The following ITM2C variants were observed in gnomAD, a reference collection of about 807,000 sequenced individuals.
The protein encoded by ITM2C is BRICHOS domain containing 2C.
ITM2C carries 20 observed loss-of-function variants against 30.0 expected under a neutral mutation model. The observed-to-expected ratio is 0.67, with a 90% confidence interval of 0.47 to 0.97. The LOEUF (loss-of-function observed/expected upper bound fraction) is 0.97, where lower values mean the gene tolerates loss of function less well. ITM2C is among the 50% of genes least tolerant of loss of function. The pLI is 0.00. For synonymous variants in ITM2C, 167 were observed against 156.4 expected (o/e 1.07, Z -0.51); for missense variants, 366 against 371.9 (o/e 0.98, Z 0.13).
rs746646344 is a variant in ITM2C, at chr2:230,873,495, G to C, written c.199G>C (p.Val67Leu). The change falls in exon 2 of 6, where the codon GTG becomes CTG. Residue 67 changes from valine (V) to leucine (L), a missense_variant. Coordinates refer to ENST00000326427, the MANE Select transcript of ITM2C (RefSeq NM_030926.6). ...GVCYLSMGMV[V>L]LLMGLVFASV... is the part of the protein sequence containing the mutation. ...GTGCTACCTGTCGATGGGCATGGTCGTGCTGCTCATGGGCCTCGTGTTCGC... is the reference window on the plus strand; with the variant it reads ...GTGCTACCTGTCGATGGGCATGGTCCTGCTGCTCATGGGCCTCGTGTTCGC... 6.2e-7 allele frequency: 1 copy of C among 1,611,116 alleles called. No individual in the cohort carries two copies. The highest frequency in any genetic ancestry group is 2.2e-5 in the East Asian group (1 of 44,644).
intron 1 of ITM2C, among the ~76,000 whole-genome samples, chr2:230,868,200 C>T (rs1201498255): frequency 6.6e-6 from 1 of 151,762 alleles, no homozygotes; most frequent in Non-Finnish European, 1.5e-5. Flanking sequence ...AAGGAAGTGC[C>T]TCAGTGGGCC....
intron 1 of ITM2C, 57 bp from the exon 2 acceptor site, chr2:230,873,360 G>C: frequency 3.4e-6 from 5 of 1,454,064 alleles, no homozygotes; most frequent in Non-Finnish European, 4.5e-6. Flanking sequence ...CTTAGGGAAG[G>C]GGGGATTTCC....
In ITM2C at chr2:230,865,255, G is replaced by C; in HGVS notation, c.120+110G>C. ...GAGGCGCGTCAGGGCCCCAGAGCCC[G>C]GGGTGGAGCAGGGTTGGGAAGTCTC... is the stretch of plus-strand genomic sequence containing the variant. On this transcript the variant is annotated intron_variant, in intron 1 of 5. Coordinates refer to ENST00000326427, the MANE Select transcript of ITM2C (RefSeq NM_030926.6). This position sits in a 1 kb window ranked among gnomAD's most constrained non-coding sequence, Gnocchi z 6.8. The C allele has an allele frequency of 2.6e-6, 3 of 1,167,092 alleles. No homozygotes were observed. Among genetic ancestry groups the C allele is most frequent in the South Asian group, 2.6e-5 (1 of 38,778 alleles). The allele number at this position is 1,167,092 out of a possible 1,614,324, so 72.3% of individuals were successfully genotyped here.
At position 230,877,097 on chromosome 2, in the gene ITM2C, C is replaced by T. The variant is rs1045058631; in HGVS notation, c.561+130C>T. On this transcript the variant is annotated intron_variant, in intron 4 of 5. Transcript: ENST00000326427. This position sits in a 1 kb window ranked among gnomAD's most constrained non-coding sequence, Gnocchi z 4.8. ...GGGGGAGCAAGAGACATTGCTGGCA[C>T]CTGGGCCCTGTACCCAGATTGGTCT... 2.3e-5 allele frequency: 16 copies of T among 704,088 alleles called. No individual in the cohort carries two copies. Among genetic ancestry groups the T allele is most frequent in the South Asian group, 1.2e-4 (7 of 59,060 alleles). The allele number at this position is 704,088 out of a possible 1,614,324, so 43.6% of individuals were successfully genotyped here. A position where few individuals can be genotyped will look rare whatever the true frequency, so the allele number is the denominator to read the frequency against.
chr2:230,866,941 C>CAG (rs1437569313), intron 1 of ITM2C, among the ~76,000 whole-genome samples: 1 of 152,228 alleles, frequency 6.6e-6, no homozygotes, highest in Non-Finnish European at 1.5e-5. Flanking sequence ...GGCAGTCTGA[C>CAG]AGAGACCTGC....
At position 230,877,772 on chromosome 2, in the gene ITM2C, G is replaced by A. The variant is rs1166213601; in HGVS notation, c.712+222G>A. 6.6e-6 allele frequency among the ~76,000 whole-genome samples: 1 copy of A among 152,222 alleles called. No individual in the cohort carries two copies. Among genetic ancestry groups the A allele is most frequent in the Non-Finnish European group, 1.5e-5 (1 of 68,038 alleles). On this transcript the variant is annotated intron_variant, in intron 5 of 5. Coordinates refer to ENST00000326427, the MANE Select transcript of ITM2C (RefSeq NM_030926.6). This position sits in a 1 kb window ranked among gnomAD's most constrained non-coding sequence, Gnocchi z 4.8. ...TATTATTTTTGCTGCCCATTTTAAA[G>A]ATGAGGAAACAGGTGCAGAGAGGTT...
intron 2 of ITM2C, among the ~76,000 whole-genome samples, chr2:230,874,049 C>A (rs1312186272): frequency 6.6e-6 from 1 of 152,234 alleles, no homozygotes. Flanking sequence ...TATCATCCCC[C>A]TCCCCGGGGG....
Position 230,878,368 on chromosome 2 carries a change from C to A in ITM2C, c.*269C>A. ...TGTGTCCCACTGTCTTGAAGCTGGGCCTGCCAAAGCCTGGGCCCACAGCTG... is the reference window on the plus strand; with the variant it reads ...TGTGTCCCACTGTCTTGAAGCTGGGACTGCCAAAGCCTGGGCCCACAGCTG... On this transcript the variant is annotated 3_prime_UTR_variant, in exon 6 of 6. Coordinates refer to ENST00000326427, the MANE Select transcript of ITM2C (RefSeq NM_030926.6). This position sits in a 1 kb window ranked among gnomAD's most constrained non-coding sequence, Gnocchi z 4.5. 1 of 252,876 alleles carries A rather than the reference C, an allele frequency of 4.0e-6. No homozygotes were observed. Among genetic ancestry groups the A allele is most frequent in the Non-Finnish European group, 7.6e-6 (1 of 132,104 alleles). The allele number at this position is 252,876 out of a possible 1,614,324, so 15.7% of individuals were successfully genotyped here. A position where few individuals can be genotyped will look rare whatever the true frequency, so the allele number is the denominator to read the frequency against.
chr2:230,868,265 C>T (rs561105613), intron 1 of ITM2C, among the ~76,000 whole-genome samples: 1 of 152,148 alleles, frequency 6.6e-6, no homozygotes, highest in Non-Finnish European at 1.5e-5. Context: ...GCCTCCCCCC[C>T]TGGTGTTTTG....
In ITM2C at chr2:230,875,672, C is replaced by T; in HGVS notation, c.314C>T (p.Ser105Phe). The part of the protein sequence containing the change: ...RCGVLYEDSL[S>F]SQVRTQMELE... ...GGTGTGCTGTATGAGGACTCCCTGT[C>T]CTCCCAGGTCCGGACTCAGATGGAG... Residue 105 changes from serine to phenylalanine, a missense_variant, in exon 3 of 6, where the codon TCC becomes TTC. Coordinates refer to ENST00000326427, the MANE Select transcript of ITM2C (RefSeq NM_030926.6). The T allele has an allele frequency of 1.2e-6, 2 of 1,613,582 alleles. No individual in the cohort carries two copies. Among genetic ancestry groups the T allele is most frequent in the Non-Finnish European group, 1.7e-6 (2 of 1,179,692 alleles).
Position 230,873,491 on chromosome 2 carries a change from G to A in ITM2C, c.195G>A (p.Met65Ile). 1 of 1,611,332 alleles carries A rather than the reference G, an allele frequency of 6.2e-7. No homozygotes were observed. Among genetic ancestry groups the A allele is most frequent in the Non-Finnish European group, 8.5e-7 (1 of 1,178,770 alleles). ...GCGTGTGCTACCTGTCGATGGGCATGGTCGTGCTGCTCATGGGCCTCGTGT... is the reference window on the plus strand; with the variant it reads ...GCGTGTGCTACCTGTCGATGGGCATAGTCGTGCTGCTCATGGGCCTCGTGT... ...VGGVCYLSMGMVVLLMGLVFA... is the reference protein window; with the variant it reads ...VGGVCYLSMGIVVLLMGLVFA... The change falls in exon 2 of 6, where the codon ATG becomes ATA. Residue 65 changes from methionine (M) to isoleucine (I), a missense_variant. Met to Ile is a conservative substitution (Grantham distance 10). Transcript: ENST00000326427.
chr2:230,877,379 G>A lies in ITM2C; in HGVS notation c.562-21G>A. 3.7e-6 allele frequency: 6 copies of A among 1,611,660 alleles called. No homozygotes were observed. Among genetic ancestry groups the A allele is most frequent in the Non-Finnish European group, 5.1e-6 (6 of 1,178,518 alleles). On this transcript the variant is annotated intron_variant, in intron 4 of 5. Coordinates refer to ENST00000326427, the MANE Select transcript of ITM2C (RefSeq NM_030926.6). This position sits in a 1 kb window ranked among gnomAD's most constrained non-coding sequence, Gnocchi z 4.8. ...AAAGCCTGAGGGGCCGACTCACTGTGGCGGCCACCTTGTTTTGCAGAGGGG... is the reference window on the plus strand; with the variant it reads ...AAAGCCTGAGGGGCCGACTCACTGTAGCGGCCACCTTGTTTTGCAGAGGGG...
chr2:230,872,260 C>T (rs111862128), intron 1 of ITM2C, among the ~76,000 whole-genome samples: 6 of 145,922 alleles, frequency 4.1e-5, no homozygotes, highest in Admixed American at 2.7e-4. Flanking sequence ...GTGGACACCA[C>T]GGAGGAAGGA....
At chr2:230,873,751 A>T (rs6436977) in intron 2 of ITM2C, among the ~76,000 whole-genome samples, 194 bp downstream of exon 2, 1 of 152,020 alleles carries the variant, frequency 6.6e-6, no homozygotes, top group South Asian at 2.1e-4. Flanking sequence ...CCAGTCCCAC[A>T]TTTAGCCCCT....
chr2:230,872,545 A>G (rs1697191368), intron 1 of ITM2C, among the ~76,000 whole-genome samples: 1 of 152,184 alleles, frequency 6.6e-6, no homozygotes, highest in African/African-American at 2.4e-5. Context: ...CTTGAGCCCA[A>G]TTCTGGCTCC....
intron 2 of ITM2C, 128 bp downstream of exon 2, chr2:230,873,685 G>C: frequency 1.1e-6 from 1 of 914,772 alleles, no homozygotes; most frequent in South Asian, 2.1e-5. Flanking sequence ...GCGAGTGCCC[G>C]GCCAGCCCAC....
chr2:230,866,192 G>A (rs1371835346), intron 1 of ITM2C, among the ~76,000 whole-genome samples: 1 of 152,144 alleles, frequency 6.6e-6, no homozygotes, highest in Non-Finnish European at 1.5e-5. Flanking sequence ...CGCCCCCAGC[G>A]GTCTTGTGGC....
chr2:230,876,063 ATCGAGGGG>A (rs1697288333), intron 3 of ITM2C, among the ~76,000 whole-genome samples: 1 of 123,778 alleles, frequency 8.1e-6, no homozygotes, highest in South Asian at 2.4e-4. Flanking sequence ...AGTGCGTTGT[ATCGAGGGG>A]TAGTACATTC....
intron 1 of ITM2C, among the ~76,000 whole-genome samples, chr2:230,872,231 A>G (rs1360576392): frequency 2.0e-5 from 3 of 152,168 alleles, no homozygotes; most frequent in Non-Finnish European, 4.4e-5. Context: ...CTGACCTCTA[A>G]CCTCACTCTT....
Sources: gnomAD v4.1 joint callset for allele counts (sites outside exome capture counted in the v4.1 genomes callset) on GRCh38, gnomAD v4.1.1 for gene constraint, Gnocchi (gnomAD v3.1) non-coding constraint, MANE v1.5 for transcripts, NCBI Gene and HGNC (gene_info 2026-07-23, HGNC 2026-07-21) for gene names.